Variants in CNOT1 observed in about 807,000 individuals in gnomAD.
CNOT1 encodes the protein CCR4-associated factor 1.
In CNOT1, 15 loss-of-function variants were observed where a neutral mutation model predicts 273.8. The observed-to-expected ratio is 0.05, with a 90% CI of 0.04 to 0.08. The LOEUF is 0.08. Ranked by LOEUF, CNOT1 falls within the 10% of genes least tolerant of loss-of-function variation. The pLI, the probability that CNOT1 is intolerant of heterozygous loss-of-function variation, is 1.00. For synonymous variants in CNOT1, 1,022 were observed against 1,005.5 expected (o/e 1.02, Z -0.31); for missense variants, 1,644 against 2,912.2 (o/e 0.56, Z 10.02).
intron 8 of CNOT1, among the ~76,000 whole-genome samples, chr16:58,584,358 T>C (rs2041764081): frequency 6.6e-6 from 1 of 152,004 alleles, no homozygotes; most frequent in Non-Finnish European, 1.5e-5. Flanking sequence ...TTTGACGAAG[T>C]CTCGCTTTGT....
chr16:58,605,131 G>A (rs111600685), intron 1 of CNOT1, among the ~76,000 whole-genome samples: 48,098 of 151,808 alleles, frequency 0.32, 9,598 homozygotes, highest in Non-Finnish European at 0.45. Context: ...GCAAGACTCC[G>A]TCTCAAAACA....
chr16:58,520,889 T>G lies in CNOT1; in HGVS notation c.*69A>C, dbSNP rs897339630. The G allele has an allele frequency of 1.5e-5, 22 of 1,489,658 alleles. No individual in the cohort carries two copies. The Admixed American group carries it at 3.7e-4, about 25-fold the overall frequency. The allele number at this position is 1,489,658 out of a possible 1,614,324, so 92.3% of individuals were successfully genotyped here. A position where few individuals can be genotyped will look rare whatever the true frequency, so the allele number is the denominator to read the frequency against. On this transcript the variant is annotated 3_prime_UTR_variant, in exon 49 of 49. Transcript: ENST00000317147. ...AGTCAGGAAGAGCTGAAAGGATTCT[T>G]CAGTCAGTTTATGAACTCGGTGCAG...
intron 33 of CNOT1, 80 bp from the exon 34 acceptor site, chr16:58,541,700 T>G (rs2040099946): frequency 2.1e-6 from 3 of 1,418,640 alleles, no homozygotes; most frequent in Non-Finnish European, 3.0e-6. Flanking sequence ...AGTCTGCATG[T>G]GGGTAAGCTC....
chr16:58,588,837 T>G lies in CNOT1; in HGVS notation c.172A>C (p.Ser58Arg). ...LRCLFSHVDFSGDGKSSGKDF... is the reference protein window; with the variant it reads ...LRCLFSHVDFRGDGKSSGKDF... ...TTGCCACTGCTTTTACCATCGCCAC[T>G]GAAATCCACATGCGAAAATAGGCAG... Residue 58 changes from serine (S) to arginine (R), a missense_variant, in exon 3 of 49, where the codon AGT (serine) becomes CGT (arginine). Transcript: ENST00000317147. The G allele has an allele frequency of 6.2e-7, 1 of 1,613,890 alleles. No individual in the cohort carries two copies. Among genetic ancestry groups the G allele is most frequent in the Non-Finnish European group, 8.5e-7 (1 of 1,179,972 alleles).
chr16:58,575,341 A>T (rs2041420642), intron 14 of CNOT1, among the ~76,000 whole-genome samples: 1 of 152,214 alleles, frequency 6.6e-6, no homozygotes, highest in South Asian at 2.1e-4. Context: ...TGAATACATG[A>T]CACTACCTTC....
chr16:58,603,019 C>G (rs1237261028), intron 1 of CNOT1, among the ~76,000 whole-genome samples: 3 of 152,136 alleles, frequency 2.0e-5, no homozygotes, highest in African/African-American at 7.2e-5. Flanking sequence ...TACCTATAGC[C>G]AAAACCTATA....
chr16:58,552,158 A>G (rs1307940251), intron 22 of CNOT1, among the ~76,000 whole-genome samples: 1 of 152,152 alleles, frequency 6.6e-6, no homozygotes, highest in Non-Finnish European at 1.5e-5. Flanking sequence ...TTAGGCAGCA[A>G]TGAGAAACCA....
At chr16:58,540,088 G>A (rs1443220321) in intron 34 of CNOT1, 129 bp from the exon 35 acceptor site, 1 of 912,750 alleles carries the variant, frequency 1.1e-6, no homozygotes, top group Non-Finnish European at 1.6e-6. Flanking sequence ...CAAACATGGA[G>A]GGCCTCTTCT....
chr16:58,525,647 A>G (rs1023926145), intron 45 of CNOT1, among the ~76,000 whole-genome samples: 1 of 152,232 alleles, frequency 6.6e-6, no homozygotes, highest in Non-Finnish European at 1.5e-5. Flanking sequence ...TTTGGAGAGA[A>G]AGTTGTAGTT....
intron 47 of CNOT1, 118 bp downstream of exon 47, chr16:58,523,252 C>G: frequency 1.9e-6 from 2 of 1,028,186 alleles, no homozygotes; most frequent in Non-Finnish European, 2.6e-6. Flanking sequence ...CTCAAAAAAA[C>G]AAAAAAAAAA....
intron 1 of CNOT1, among the ~76,000 whole-genome samples, chr16:58,612,938 C>G (rs1296971053): frequency 6.6e-6 from 1 of 152,110 alleles, no homozygotes; most frequent in Non-Finnish European, 1.5e-5. Flanking sequence ...CTTTAATCCT[C>G]ACAACTCAAG....
At chr16:58,588,078 C>T (rs1323542233) in intron 3 of CNOT1, among the ~76,000 whole-genome samples, 200 bp from the exon 4 acceptor site, 1 of 152,136 alleles carries the variant, frequency 6.6e-6, no homozygotes, top group African/African-American at 2.4e-5. Flanking sequence ...GCAGGTGGAT[C>T]ACCTGAGGCC....
chr16:58,604,384 G>A (rs966355803), intron 1 of CNOT1, among the ~76,000 whole-genome samples: 10 of 152,102 alleles, frequency 6.6e-5, no homozygotes, highest in African/African-American at 2.2e-4. Context: ...TGTAGCGCTG[G>A]ATCATTCTAT....
chr16:58,604,823 A>C (rs1437849111), intron 1 of CNOT1, among the ~76,000 whole-genome samples: 11 of 80,454 alleles, frequency 1.4e-4, no homozygotes, highest in Admixed American at 4.5e-4. Context: ...AAACAAAAAA[A>C]AAATTAAAAA....
chr16:58,621,172 G>C (rs1252630930), intron 1 of CNOT1, among the ~76,000 whole-genome samples: 1 of 152,088 alleles, frequency 6.6e-6, no homozygotes, highest in Non-Finnish European at 1.5e-5. Context: ...ATATTGCCCA[G>C]GGTGGTCTGA....
chr16:58,581,702 C>G (rs1407024359), intron 10 of CNOT1, among the ~76,000 whole-genome samples, 187 bp from the exon 11 acceptor site: 2 of 151,730 alleles, frequency 1.3e-5, no homozygotes, highest in Admixed American at 6.6e-5. Context: ...CACTCCGTTG[C>G]TCAGGCTGCA....
At chr16:58,594,974 G>A (rs1483771195) in intron 2 of CNOT1, among the ~76,000 whole-genome samples, 1 of 151,654 alleles carries the variant, frequency 6.6e-6, no homozygotes, top group East Asian at 1.9e-4. Flanking sequence ...AATTACCCGG[G>A]CATGGTGGCA....
intron 25 of CNOT1, 105 bp downstream of exon 25, chr16:58,549,614 A>T: frequency 2.1e-6 from 3 of 1,445,548 alleles, no homozygotes; most frequent in Non-Finnish European, 2.7e-6. Flanking sequence ...AGAGGTACCT[A>T]ATATTGACAA....
At chr16:58,576,651 C>T in intron 13 of CNOT1, 69 bp from the exon 14 acceptor site, 1 of 1,592,632 alleles carries the variant, frequency 6.3e-7, no homozygotes, top group Non-Finnish European at 8.6e-7. Flanking sequence ...TACAAATGCC[C>T]AGTTAATTTT....
Sources: gnomAD v4.1 joint callset for allele counts (sites outside exome capture counted in the v4.1 genomes callset) on GRCh38, gnomAD v4.1.1 for gene constraint, MANE v1.5 for transcripts, NCBI Gene and HGNC (gene_info 2026-07-23, HGNC 2026-07-21) for gene names.